UNC80: variants seen among roughly 807,000 people sequenced by gnomAD.
UNC80 encodes protein unc-80 homolog.
In UNC80, 164 loss-of-function variants were observed where a neutral mutation model predicts 384.6. The ratio of observed to expected loss-of-function variants is 0.43; its 90% CI spans 0.38 to 0.49. The LOEUF (loss-of-function observed/expected upper bound fraction) is 0.49. Ranked by LOEUF, UNC80 falls within the 20% of genes least tolerant of loss-of-function variation. The pLI, the probability that UNC80 is intolerant of heterozygous loss-of-function variation, is 0.00. For synonymous variants in UNC80, 1,486 were observed against 1,527.8 expected, an observed-to-expected ratio of 0.97 and a Z score of 0.64; for missense variants, 3,330 against 4,143.0, an observed-to-expected ratio of 0.80 and a Z score of 5.39.
chr2:209,824,562 A>G (rs1559150412), intron 13 of UNC80, among the ~76,000 whole-genome samples: 1 of 152,072 alleles, frequency 6.6e-6, no homozygotes, highest in Non-Finnish European at 1.5e-5. Context: ...GGAGAGTATA[A>G]TGTTGGGTGA....
chr2:209,972,374 TA>T, intron 55 of UNC80, 50 bp downstream of exon 55: 1 of 1,539,338 alleles, frequency 6.5e-7, no homozygotes, highest in African/African-American at 1.4e-5. Flanking sequence ...TGTGTTCTCT[TA>T]AATGTCAGGC....
Position 209,926,997 on chromosome 2 carries a change from G to C in UNC80, c.5806+11G>C. 1 of 1,551,226 alleles carries C rather than the reference G, an allele frequency of 6.4e-7. No homozygotes were observed. The highest frequency in any genetic ancestry group is 8.7e-7 in the Non-Finnish European group (1 of 1,146,700). Reference sequence around the variant, plus strand: ...AAGATGGAGTAGCAGGTACAGTTTTGAACAGTCAGATCATCAGTGACATTC... The same window carrying C: ...AAGATGGAGTAGCAGGTACAGTTTTCAACAGTCAGATCATCAGTGACATTC... On this transcript the variant is annotated intron_variant, in intron 36 of 64. Coordinates refer to ENST00000673920, the MANE Select transcript of UNC80 (RefSeq NM_001371986.1).
intron 8 of UNC80, among the ~76,000 whole-genome samples, chr2:209,814,467 C>T (rs768357391): frequency 6.6e-6 from 1 of 152,078 alleles, no homozygotes; most frequent in African/African-American, 2.4e-5. Flanking sequence ...AGGATTGTCT[C>T]GATCTCCTGA....
chr2:209,884,730 A>G (rs2085618635), intron 25 of UNC80, among the ~76,000 whole-genome samples: 1 of 152,206 alleles, frequency 6.6e-6, no homozygotes, highest in Admixed American at 6.5e-5. Flanking sequence ...AAAAGGAATG[A>G]GATTATCTCC....
chr2:209,800,769 T>C (rs1347605047), intron 7 of UNC80, among the ~76,000 whole-genome samples: 1 of 152,184 alleles, frequency 6.6e-6, no homozygotes, highest in Non-Finnish European at 1.5e-5. Context: ...TTTGTTCTCA[T>C]TGGTTTCAAA....
At chr2:209,888,626 CT>C (rs1559270333) in intron 26 of UNC80, among the ~76,000 whole-genome samples, 1 of 151,244 alleles carries the variant, frequency 6.6e-6, no homozygotes, top group South Asian at 2.1e-4. Context: ...TATTTGTTTG[CT>C]TTTTGTGAGA....
intron 47 of UNC80, among the ~76,000 whole-genome samples, chr2:209,950,473 G>C (rs1182605740): frequency 1.3e-5 from 2 of 150,862 alleles, no homozygotes; most frequent in Non-Finnish European, 2.9e-5. Flanking sequence ...CGAATAACCA[G>C]TATTTGGGGC....
chr2:209,877,525 T>A (rs1165336095), intron 23 of UNC80, among the ~76,000 whole-genome samples: 1 of 152,144 alleles, frequency 6.6e-6, no homozygotes, highest in African/African-American at 2.4e-5. Context: ...CTAAACTCAT[T>A]AGCATGACAG....
In UNC80 at chr2:209,997,311, A is replaced by T. The variant is rs1420855376; in HGVS notation, c.*1716A>T. ...GTTATTTACAGTTAATGCTGAAATA[A>T]TTCTCAAGTGCAGGAATATAAATGT... On this transcript the variant is annotated 3_prime_UTR_variant, in exon 65 of 65. Coordinates refer to ENST00000673920, the MANE Select transcript of UNC80 (RefSeq NM_001371986.1). The T allele has an allele frequency of 1.3e-5, 2 of 152,196 alleles. No individual in the cohort carries two copies. The highest frequency in any genetic ancestry group is 2.9e-5 in the Non-Finnish European group (2 of 68,032). The allele number at this position is 152,196 out of a possible 1,614,324, so 9.4% of individuals were successfully genotyped here. A position where few individuals can be genotyped will look rare whatever the true frequency, so the allele number is the denominator to read the frequency against.
At chr2:209,934,065 G>T in intron 39 of UNC80, 60 bp downstream of exon 39, 1 of 1,409,836 alleles carries the variant, frequency 7.1e-7, no homozygotes, top group South Asian at 1.5e-5. Context: ...ATAGCCCTTT[G>T]AAAGACTAAG....
intron 18 of UNC80, among the ~76,000 whole-genome samples, chr2:209,836,247 C>T (rs1393124189): frequency 6.6e-6 from 1 of 152,078 alleles, no homozygotes; most frequent in African/African-American, 2.4e-5. Context: ...AACATAAGCT[C>T]TAAGGAAAAA....
Position 209,902,435 on chromosome 2 carries a change from G to A in UNC80, c.4582-2330G>A, listed in dbSNP as rs145956526. Among the ~76,000 whole-genome samples the A allele has an allele frequency of 1.0e-3, 159 of 152,286 alleles. No individual in the cohort carries two copies. The Middle Eastern group carries it at 0.014, about 13-fold the overall frequency. On this transcript the variant is annotated intron_variant, in intron 28 of 64. Transcript: ENST00000673920. ...GCAGCAGGGTTGTTGAGGGTTGATCGCAATTTTGAAAGAAGTTCTACTGTG... is the reference window on the plus strand; with the variant it reads ...GCAGCAGGGTTGTTGAGGGTTGATCACAATTTTGAAAGAAGTTCTACTGTG...
At chr2:209,793,334 A>G (rs550047979) in intron 6 of UNC80, among the ~76,000 whole-genome samples, 48 of 152,372 alleles carry the variant, frequency 3.2e-4, no homozygotes, top group African/African-American at 1.1e-3. Context: ...CAATCTGATT[A>G]GGTACTACTA....
intron 21 of UNC80, among the ~76,000 whole-genome samples, chr2:209,844,481 TTCCTTCCTTCCTTCC>T (rs1447179753): frequency 0.021 from 1,338 of 62,490 alleles, 37 homozygotes; most frequent in East Asian, 0.1. Context: ...CTTTCTTTCC[TTCCTTCCTTCCTTCC>T]TTCCTTCCTT....
At chr2:209,965,659 G>A (rs2125007331) in intron 51 of UNC80, among the ~76,000 whole-genome samples, 1 of 152,022 alleles carries the variant, frequency 6.6e-6, no homozygotes, top group South Asian at 2.1e-4. Context: ...CTGACCTCGT[G>A]ATCCACCTGC....
At chr2:209,874,055 C>T (rs2084550269) in intron 23 of UNC80, among the ~76,000 whole-genome samples, 1 of 152,120 alleles carries the variant, frequency 6.6e-6, no homozygotes. Flanking sequence ...CAACACTTAG[C>T]ACTGCCCTTT....
chr2:209,838,579 G>T (rs10172136), intron 18 of UNC80, among the ~76,000 whole-genome samples: 12,721 of 152,046 alleles, frequency 0.084, 1,739 homozygotes, highest in African/African-American at 0.29. Context: ...TTTTTTAAGA[G>T]TATTTGGTGT....
chr2:209,911,395 A>G (rs540829755), intron 29 of UNC80, among the ~76,000 whole-genome samples: 3 of 152,338 alleles, frequency 2.0e-5, no homozygotes, highest in Non-Finnish European at 4.4e-5. Flanking sequence ...GTGTTCCCAC[A>G]TATGCACCTC....
intron 51 of UNC80, among the ~76,000 whole-genome samples, chr2:209,960,181 C>G (rs2092545942): frequency 6.6e-6 from 1 of 152,248 alleles, no homozygotes; most frequent in African/African-American, 2.4e-5. Flanking sequence ...ACTCAGCCAA[C>G]TTGGCTTGGG....
Sources: gnomAD v4.1 joint callset for allele counts (sites outside exome capture counted in the v4.1 genomes callset) on GRCh38, gnomAD v4.1.1 for gene constraint, MANE v1.5 for transcripts, NCBI Gene and HGNC (gene_info 2026-07-23, HGNC 2026-07-21) for gene names.